NFIA: variants seen among roughly 807,000 people sequenced by gnomAD.
NFIA encodes nuclear factor I A, also known as nuclear factor 1 A-type.
Under a neutral mutation model 62.8 loss-of-function variants are expected in NFIA, and 8 were observed. That is an observed-to-expected ratio of 0.13 (90% CI 0.07 to 0.23). NFIA has a LOEUF of 0.23. Ranked by LOEUF, NFIA falls within the 10% of genes least tolerant of loss-of-function variation. The probability of loss-of-function intolerance (pLI) is 1.00; values close to 1 mark genes in which losing one functional copy is unlikely to be tolerated. For synonymous variants in NFIA, 235 were observed against 238.1 expected (o/e 0.99, Z 0.12); for missense variants, 410 against 642.1 (o/e 0.64, Z 3.91).
At chr1:61,085,124 A>C (rs1377467650) in intron 1 of NFIA, among the ~76,000 whole-genome samples, 1 of 152,168 alleles carries the variant, frequency 6.6e-6, no homozygotes, top group Non-Finnish European at 1.5e-5. Context: ...TCATTAAAAA[A>C]AATCAGTAAG....
Position 61,413,615 on chromosome 1 carries a change from CTTTTTTTTTTTTT to C in NFIA, c.1420+6905_1420+6917del, listed in dbSNP as rs869258274. On this transcript the variant is annotated intron_variant, in intron 9 of 10. Transcript: ENST00000403491. ...AAATTAACAACAACAAAGTATTTTGCTTTTTTTTTTTTTTTTTTTTTTTTTTTTTGAGATGGTG... is the reference window on the plus strand; with the variant it reads ...AAATTAACAACAACAAAGTATTTTGCTTTTTTTTTTTTTTTTGAGATGGTG... Among the ~76,000 whole-genome samples the C allele has an allele frequency of 5.8e-5, 4 of 68,390 alleles. No homozygotes were observed. In the South Asian group the frequency reaches 2.3e-3, roughly 39 times the overall value. 44.9% of individuals were successfully genotyped at this position (68,390 alleles called of 152,430 possible).
chr1:61,201,948 TAAAA>T (rs370818020), intron 2 of NFIA, among the ~76,000 whole-genome samples: 4 of 148,502 alleles, frequency 2.7e-5, no homozygotes, highest in Non-Finnish European at 6.0e-5. Context: ...AAGAAAATCT[TAAAA>T]AAAAAACACT....
intron 2 of NFIA, among the ~76,000 whole-genome samples, chr1:61,250,516 A>G (rs780605035): frequency 3.9e-5 from 6 of 152,172 alleles, no homozygotes; most frequent in Non-Finnish European, 7.4e-5. Flanking sequence ...CATGAATATA[A>G]TTTCTGTATG....
At chr1:61,367,726 C>T (rs1300844465) in intron 6 of NFIA, among the ~76,000 whole-genome samples, 4 of 152,080 alleles carry the variant, frequency 2.6e-5, no homozygotes, top group African/African-American at 9.7e-5. Flanking sequence ...CAGAAAAGGG[C>T]CTAAAACAGC....
At chr1:61,352,406 A>G (rs1662592467) in intron 4 of NFIA, 44 bp from the exon 5 acceptor site, 3 of 1,371,328 alleles carry the variant, frequency 2.2e-6, no homozygotes, top group Non-Finnish European at 1.0e-6. Context: ...TGATTTTTTT[A>G]TCCACAGAAT....
rs183153241 is a variant in NFIA, at chr1:61,397,011, A to T, written c.1076-7093A>T. On this transcript the variant is annotated intron_variant, in intron 7 of 10. Transcript: ENST00000403491. ...AGTGAGACTCTGTCTCCAAAAAAAAAAATAATAATAATAATGCCCGGTTGG... is the reference window on the plus strand; with the variant it reads ...AGTGAGACTCTGTCTCCAAAAAAAATAATAATAATAATAATGCCCGGTTGG... Among the ~76,000 whole-genome samples, 984 of 151,682 alleles carry T rather than the reference A, an allele frequency of 6.5e-3. 12 individuals are homozygous for T. The highest frequency in any genetic ancestry group is 0.021 in the African/African-American group (888 of 41,346).
chr1:61,077,690 G>T, upstream of NFIA: 1 of 1,300,372 alleles, frequency 7.7e-7, no homozygotes, highest in Non-Finnish European at 1.0e-6. Flanking sequence ...TATAAACAAT[G>T]GTAGAATGAT....
At chr1:61,257,876 T>TA (rs1557666304) in intron 2 of NFIA, among the ~76,000 whole-genome samples, 1 of 122,266 alleles carries the variant, frequency 8.2e-6, no homozygotes, top group Non-Finnish European at 1.8e-5. Context: ...TTTTTTTTTT[T>TA]CTTTTTTTCT....
chr1:61,272,100 G>A (rs1232429836), intron 2 of NFIA, among the ~76,000 whole-genome samples: 2 of 151,900 alleles, frequency 1.3e-5, no homozygotes, highest in Admixed American at 6.6e-5. Flanking sequence ...AATCATAATT[G>A]CATATTTTCG....
chr1:61,439,958 G>A (rs1352177222), intron 10 of NFIA, among the ~76,000 whole-genome samples: 1 of 152,134 alleles, frequency 6.6e-6, no homozygotes, highest in Non-Finnish European at 1.5e-5. Context: ...TATACCTGTA[G>A]ACCCTAACAT....
chr1:61,388,814 C>T lies in NFIA; in HGVS notation c.1075+5449C>T, dbSNP rs141350828. Among the ~76,000 whole-genome samples, 59 of 152,226 alleles carry T rather than the reference C, an allele frequency of 3.9e-4. 2 individuals are homozygous for T. In the East Asian group the frequency reaches 4.8e-3, roughly 12 times the overall value. ...AGAAAATAAGGAGTCACATTTTTCT[C>T]ATACAAAAACAAGTATGTGGCTAGG... On this transcript the variant is annotated intron_variant, in intron 7 of 10. Transcript: ENST00000403491.
rs571338918 is a variant in NFIA at position 61,351,201 on chromosome 1, A to G, written c.701-1249A>G. Among the ~76,000 whole-genome samples the G allele has an allele frequency of 3.3e-5, 5 of 152,344 alleles. No homozygotes were observed. In the East Asian group the frequency reaches 9.6e-4, roughly 29 times the overall value. ...CAGGACATAGCCTCATTGTAAGTTG[A>G]GCACCTGTAGCTCTATCAGATGACT... On this transcript the variant is annotated intron_variant, in intron 4 of 10. Transcript: ENST00000403491.
At chr1:61,382,438 AAAACAAAG>A (rs1664467106) in intron 6 of NFIA, among the ~76,000 whole-genome samples, 2 of 152,236 alleles carry the variant, frequency 1.3e-5, no homozygotes, top group African/African-American at 2.4e-5. Flanking sequence ...ACAGGTAAGC[AAAACAAAG>A]GCAATGAAAA....
chr1:61,164,718 C>T (rs916121210), intron 2 of NFIA, among the ~76,000 whole-genome samples: 1 of 152,130 alleles, frequency 6.6e-6, no homozygotes, highest in African/African-American at 2.4e-5. Flanking sequence ...CCTCAGCCTC[C>T]CAAAGTGCTG....
chr1:61,121,347 G>A (rs538975376), intron 2 of NFIA, among the ~76,000 whole-genome samples: 49 of 152,124 alleles, frequency 3.2e-4, no homozygotes, highest in African/African-American at 1.0e-3. Flanking sequence ...TCTTTTGCTC[G>A]GAATGTAAAA....
intron 3 of NFIA, among the ~76,000 whole-genome samples, chr1:61,283,596 A>AAAAAAAG (rs1658297514): frequency 1.4e-5 from 2 of 146,024 alleles, no homozygotes; most frequent in African/African-American, 4.9e-5. Context: ...AAAAAAAAAA[A>AAAAAAAG]AAAAAAAAAA....
rs538011345 is a variant in NFIA at position 61,209,492 on chromosome 1, C to T, written c.560-68028C>T. On this transcript the variant is annotated intron_variant, in intron 2 of 10. Coordinates refer to ENST00000403491, the MANE Select transcript of NFIA (RefSeq NM_001134673.4). ...TGCAGATAGGCCCAAAATAAACAAA[C>T]ATCTTTATTTTTAAAGTTTTTTAAT... Among the ~76,000 whole-genome samples the T allele has an allele frequency of 1.1e-3, 164 of 152,154 alleles. 2 individuals are homozygous for T. The highest frequency in any genetic ancestry group is 3.4e-3 in the African/African-American group (141 of 41,520).
At chr1:61,413,044 A>G (rs1666174223) in intron 9 of NFIA, among the ~76,000 whole-genome samples, 1 of 152,016 alleles carries the variant, frequency 6.6e-6, no homozygotes, top group Non-Finnish European at 1.5e-5. Context: ...AAACATGCAT[A>G]TTTTTTTAAT....
At chr1:61,435,210 T>A (rs1222144700) in intron 10 of NFIA, among the ~76,000 whole-genome samples, 1 of 152,230 alleles carries the variant, frequency 6.6e-6, no homozygotes, top group Non-Finnish European at 1.5e-5. Context: ...GACAGACCTG[T>A]TCTGACATCC....
Sources: allele counts gnomAD v4.1 joint callset (sites outside exome capture counted in the v4.1 genomes callset), GRCh38; gene constraint gnomAD v4.1.1; transcripts MANE v1.5; gene names NCBI Gene and HGNC (gene_info 2026-07-23, HGNC 2026-07-21).